The following HEPH variants were observed in gnomAD, a reference collection of about 807,000 sequenced individuals.
HEPH encodes hephaestin.
In HEPH, 69 loss-of-function variants were observed where a neutral mutation model predicts 80.8. That is an observed-to-expected ratio of 0.85 (90% CI 0.70 to 1.04). The LOEUF (loss-of-function observed/expected upper bound fraction) is 1.04, where lower values mean the gene tolerates loss of function less well. Ranked by LOEUF, HEPH falls within the 50% of genes least tolerant of loss-of-function variation. HEPH has a pLI of 0.00. For missense variants in HEPH, 1,115 were observed against 891.3 expected, an observed-to-expected ratio of 1.25 and a Z score of -3.20; for synonymous variants, 431 against 322.8, an observed-to-expected ratio of 1.34 and a Z score of -3.60.
chrX:66,192,070 G>A (rs1322919270), intron 6 of HEPH, 60 bp from the exon 7 acceptor site: 2 of 1,086,750 alleles, frequency 1.8e-6, no homozygotes, highest in African/African-American at 1.8e-5. Context: ...AGGAAGGTGA[G>A]TCCTCTGGGT....
chrX:66,249,975 G>A (rs2090948183), intron 15 of HEPH, among the ~76,000 whole-genome samples: 1 of 111,339 alleles, frequency 9.0e-6, no homozygotes, highest in South Asian at 3.8e-4. Flanking sequence ...TTGTAAAAGA[G>A]TAGTTCAAAT....
chrX:66,201,531 A>G (rs1222454047), intron 12 of HEPH, among the ~76,000 whole-genome samples: 1 of 111,401 alleles, frequency 9.0e-6, no homozygotes, highest in Non-Finnish European at 1.9e-5. Flanking sequence ...ATAATAGAGC[A>G]GTTATCTTTT....
At chrX:66,165,057 G>C (rs1408600181) in intron 1 of HEPH, among the ~76,000 whole-genome samples, 1 of 111,565 alleles carries the variant, frequency 9.0e-6, no homozygotes, top group African/African-American at 3.3e-5. Context: ...ATCAAATGAG[G>C]GTGATTGAAA....
intron 1 of HEPH, among the ~76,000 whole-genome samples, chrX:66,168,170 G>A (rs1452433032): frequency 8.9e-6 from 1 of 111,812 alleles, no homozygotes; most frequent in Non-Finnish European, 1.9e-5. Context: ...GCCCTGCAGA[G>A]GACAGTGATA....
At chrX:66,213,002 G>T (rs2089212327) in intron 15 of HEPH, among the ~76,000 whole-genome samples, 2 of 107,196 alleles carry the variant, frequency 1.9e-5, no homozygotes, top group South Asian at 4.0e-4. Context: ...AGTGTTTGTA[G>T]TTTTTTTTAA....
intron 20 of HEPH, among the ~76,000 whole-genome samples, chrX:66,265,270 C>T (rs1407144834): frequency 9.0e-6 from 1 of 110,659 alleles, no homozygotes; most frequent in Non-Finnish European, 1.9e-5. Flanking sequence ...ATAAGTAAGA[C>T]ATAGCCGCTA....
At chrX:66,217,446 G>A (rs1429973649) in intron 15 of HEPH, among the ~76,000 whole-genome samples, 2 of 111,513 alleles carry the variant, frequency 1.8e-5, no homozygotes, top group Non-Finnish European at 3.8e-5. Flanking sequence ...CTTCGTAAAT[G>A]AAGGAAAGAT....
intron 4 of HEPH, among the ~76,000 whole-genome samples, chrX:66,178,265 G>A (rs1039392094): frequency 8.9e-5 from 10 of 112,053 alleles, no homozygotes; most frequent in Admixed American, 2.8e-4. Flanking sequence ...CCCTACAAAG[G>A]ACATGAACTC....
intron 12 of HEPH, 57 bp from the exon 13 acceptor site, chrX:66,203,307 C>A: frequency 9.4e-7 from 1 of 1,065,104 alleles, no homozygotes; most frequent in Non-Finnish European, 1.3e-6. Context: ...CAGGAAATCC[C>A]CCAGGCACTA....
chrX:66,249,250 A>T (rs773987492), intron 15 of HEPH, among the ~76,000 whole-genome samples: 1 of 111,536 alleles, frequency 9.0e-6, no homozygotes, highest in Non-Finnish European at 1.9e-5. Flanking sequence ...CTCAAATTTC[A>T]GCTATGATGT....
At chrX:66,190,625 A>C (rs1167330112) in intron 6 of HEPH, among the ~76,000 whole-genome samples, 1 of 112,100 alleles carries the variant, frequency 8.9e-6, no homozygotes, top group African/African-American at 3.2e-5. Context: ...AGTTGGTCTA[A>C]ATCGTCTCTT....
intron 3 of HEPH, 148 bp downstream of exon 3, chrX:66,172,747 G>T: frequency 1.8e-6 from 1 of 556,835 alleles, no homozygotes; most frequent in Middle Eastern, 6.0e-4. Context: ...GTAAACAAGG[G>T]TGGGCACTGG....
intron 12 of HEPH, among the ~76,000 whole-genome samples, chrX:66,203,111 A>T (rs2088559409): frequency 9.1e-6 from 1 of 109,970 alleles, no homozygotes; most frequent in Non-Finnish European, 1.9e-5. Flanking sequence ...GAAGTTGGTT[A>T]TTCTAGCGGC....
intron 15 of HEPH, among the ~76,000 whole-genome samples, chrX:66,221,947 C>T (rs1164631080): frequency 1.8e-5 from 2 of 112,023 alleles, no homozygotes; most frequent in Non-Finnish European, 3.8e-5. Context: ...GTTACGATGT[C>T]TTATTTTTCC....
intron 15 of HEPH, among the ~76,000 whole-genome samples, chrX:66,232,421 T>A (rs2090187467): frequency 8.9e-6 from 1 of 111,798 alleles, no homozygotes; most frequent in Non-Finnish European, 1.9e-5. Context: ...TAATAGAGAA[T>A]AAAAATCCAA....
In HEPH at chrX:66,203,398, T is replaced by C. The variant is rs369442921; in HGVS notation, c.2112T>C (p.His704=). The part of the protein sequence containing the change: ...TFEIYCQAGS[H]REAGMRAIYN... The stretch of plus-strand genomic sequence containing the variant: ...AGATTTATTGCCAGGCAGGCAGCCA[T>C]CGAGAAGCAGGGATGAGGGCAATCT... The change falls in exon 13 of 21, where the codon CAT becomes CAC. Residue 704 remains histidine (H), a synonymous_variant. Coordinates refer to ENST00000343002, the MANE Select transcript of HEPH (RefSeq NM_001367233.3). The C allele has an allele frequency of 1.7e-6, 2 of 1,208,188 alleles. No individual in the cohort carries two copies. Among genetic ancestry groups the C allele is most frequent in the African/African-American group, 1.8e-5 (1 of 56,703 alleles).
At chrX:66,249,926 A>C (rs970515752) in intron 15 of HEPH, among the ~76,000 whole-genome samples, 5 of 111,518 alleles carry the variant, frequency 4.5e-5, no homozygotes, top group Non-Finnish European at 9.4e-5. Context: ...ATTGTGTAGA[A>C]TAGAGTAACA....
In HEPH at chrX:66,266,580, G is replaced by A; in HGVS notation, c.3385G>A (p.Val1129Met). The A allele has an allele frequency of 8.3e-7, 1 of 1,210,855 alleles. No homozygotes were observed. The highest frequency in any genetic ancestry group is 1.7e-5 in the African/African-American group (1 of 57,661). ...GCTCGTTGTTCTGGCTCTTGGTGGA[G>A]TGGTTTGGTACCAACATCGACAGAG... Reference protein sequence around the residue: ...LLLVVLALGGVVWYQHRQRKL... With the variant: ...LLLVVLALGGMVWYQHRQRKL... Residue 1129 changes from valine to methionine, a missense_variant, in exon 21 of 21, where the codon GTG becomes ATG. By Grantham distance (21) the Val-to-Met change is conservative. This residue lies in a region of HEPH where 716 missense variants were observed against 523.5 expected (regional missense o/e 1.37). Coordinates refer to ENST00000343002, the MANE Select transcript of HEPH (RefSeq NM_001367233.3).
At chrX:66,179,211 G>A (rs190925217) in intron 4 of HEPH, among the ~76,000 whole-genome samples, 50 of 111,661 alleles carry the variant, frequency 4.5e-4, no homozygotes, top group African/African-American at 1.4e-3. Flanking sequence ...GAATCCTTTC[G>A]CCATTTCTTG....
Sources: allele counts gnomAD v4.1 joint callset (sites outside exome capture counted in the v4.1 genomes callset), GRCh38; gene constraint gnomAD v4.1.1; regional missense constraint gnomAD v4.1.1; transcripts MANE v1.5; gene names NCBI Gene and HGNC (gene_info 2026-07-23, HGNC 2026-07-21).